Variants in CDNF observed in about 807,000 individuals in gnomAD.
CDNF encodes the protein ARMET-like protein 1.
A neutral mutation model predicts 14.8 loss-of-function variants in CDNF; 9 were observed. The ratio of observed to expected loss-of-function variants is 0.61; its 90% CI spans 0.37 to 1.06. The LOEUF is 1.06. CDNF is among the 50% of genes least tolerant of loss of function. The pLI is 0.01. For synonymous variants in CDNF, 86 were observed against 87.2 expected (o/e 0.99, Z 0.07); for missense variants, 228 against 228.4 (o/e 1.00, Z 0.01).
intron 1 of CDNF, among the ~76,000 whole-genome samples, chr10:14,837,451 A>C (rs1833902077): frequency 6.6e-6 from 1 of 152,190 alleles, no homozygotes; most frequent in Non-Finnish European, 1.5e-5. Context: ...TTGGGGAGTC[A>C]CCAACTAGCT....
At chr10:14,835,796 A>C (rs1028006907) in intron 1 of CDNF, among the ~76,000 whole-genome samples, 1 of 152,186 alleles carries the variant, frequency 6.6e-6, no homozygotes, top group African/African-American at 2.4e-5. Flanking sequence ...TTGAATATCT[A>C]CAGGGGCCAG....
At chr10:14,823,227 T>C (rs2131621817) in intron 3 of CDNF, among the ~76,000 whole-genome samples, 1 of 152,280 alleles carries the variant, frequency 6.6e-6, no homozygotes, top group Non-Finnish European at 1.5e-5. Context: ...TTCTTTGAGT[T>C]TTTCTAGAGA....
chr10:14,836,033 C>T (rs1833882809), intron 1 of CDNF, among the ~76,000 whole-genome samples: 1 of 152,170 alleles, frequency 6.6e-6, no homozygotes, highest in Admixed American at 6.5e-5. Context: ...TAATTTTTTT[C>T]AAAATATTTT....
chr10:14,825,103 G>A (rs1833768394), intron 3 of CDNF, among the ~76,000 whole-genome samples: 1 of 151,918 alleles, frequency 6.6e-6, no homozygotes, highest in Non-Finnish European at 1.5e-5. Context: ...ATAGCTGCCC[G>A]CCACCACACC....
In CDNF at chr10:14,830,108, G is replaced by T. The variant is rs182055278; in HGVS notation, c.116-1836C>A. ...AAGGATTTGTATTTGTATTTCTCAGGGACTAAGGGCAACTAGCCAGGCACT... is the reference window on the plus strand; with the variant it reads ...AAGGATTTGTATTTGTATTTCTCAGTGACTAAGGGCAACTAGCCAGGCACT... On this transcript the variant is annotated intron_variant, in intron 1 of 3. Coordinates refer to ENST00000465530, the MANE Select transcript of CDNF (RefSeq NM_001029954.3). 7.2e-5 allele frequency among the ~76,000 whole-genome samples: 11 copies of T among 152,242 alleles called. No homozygotes were observed. The East Asian group carries it at 2.1e-3, about 29-fold the overall frequency.
chr10:14,824,112 T>C (rs1489643173), intron 3 of CDNF, among the ~76,000 whole-genome samples: 1 of 152,208 alleles, frequency 6.6e-6, no homozygotes, highest in African/African-American at 2.4e-5. Context: ...AGTACTACAC[T>C]GGGTATGTAA....
At chr10:14,821,359 G>A (rs2131620966) in intron 3 of CDNF, among the ~76,000 whole-genome samples, 1 of 152,268 alleles carries the variant, frequency 6.6e-6, no homozygotes, top group Admixed American at 6.5e-5. Flanking sequence ...TCTCACCTCA[G>A]CTGATCCGCC....
intron 2 of CDNF, among the ~76,000 whole-genome samples, chr10:14,825,957 AAAG>A (rs1290961456): frequency 6.6e-5 from 10 of 151,498 alleles, no homozygotes; most frequent in South Asian, 2.1e-4. Context: ...TCTCAAAAAA[AAAG>A]AAGAAGAAGA....
chr10:14,837,905 G>A lies in CDNF; in HGVS notation c.42C>T (p.Ala14=), dbSNP rs543266527. The A allele has an allele frequency of 3.7e-6, 6 of 1,607,178 alleles. 1 individual carries two copies. The highest frequency in any genetic ancestry group is 2.2e-5 in the East Asian group (1 of 44,774). Residue 14 remains alanine (A), a synonymous_variant, in exon 1 of 4, where the codon GCC becomes GCT. Transcript: ENST00000465530. The part of the protein sequence containing the change: ...ASPVAVVAFC[A]GLLVSHPVLT... ...GCACCGGGTGAGAGACCAAAAGCCC[G>A]GCGCAAAAGGCCACCACAGCAACTG...
chr10:14,835,808 CA>C (rs1833881287), intron 1 of CDNF, among the ~76,000 whole-genome samples: 1 of 152,012 alleles, frequency 6.6e-6, no homozygotes, highest in African/African-American at 2.4e-5. Flanking sequence ...AGGGGCCAGG[CA>C]AGGAAAAAGA....
rs762257143 is a variant in CDNF, at chr10:14,837,994, A to C, written c.-48T>G. 8 of 1,410,074 alleles carry C rather than the reference A, an allele frequency of 5.7e-6. No homozygotes were observed. Among genetic ancestry groups the C allele is most frequent in the South Asian group, 1.2e-5 (1 of 81,806 alleles). 87.3% of individuals were successfully genotyped at this position (1,410,074 alleles called of 1,614,324 possible). On this transcript the variant is annotated 5_prime_UTR_variant, in exon 1 of 4. Transcript: ENST00000465530. ...CCTCCGCCACCCGCGCCCACCGCCCACCAAGCTGCCAAAGCGAGCTGAGCA... is the reference window on the plus strand; with the variant it reads ...CCTCCGCCACCCGCGCCCACCGCCCCCCAAGCTGCCAAAGCGAGCTGAGCA...
At chr10:14,837,787 G>T in intron 1 of CDNF, 45 bp downstream of exon 1, 1 of 1,241,242 alleles carries the variant, frequency 8.1e-7, no homozygotes, top group Non-Finnish European at 1.1e-6. Flanking sequence ...CTGCTGCGCC[G>T]CAGCGCGGGG....
chr10:14,831,388 AT>A (rs1833842009), intron 1 of CDNF, among the ~76,000 whole-genome samples: 2 of 148,576 alleles, frequency 1.3e-5, no homozygotes, highest in Non-Finnish European at 2.9e-5. Flanking sequence ...ATATTTTCAC[AT>A]TTTTATTTTA....
intron 1 of CDNF, among the ~76,000 whole-genome samples, chr10:14,831,867 C>A (rs148361791): frequency 1.6e-4 from 24 of 152,264 alleles, no homozygotes; most frequent in African/African-American, 5.8e-4. Context: ...AGCCACCGTG[C>A]CTAGCCCATA....
chr10:14,835,373 G>A (rs1833877993), intron 1 of CDNF, among the ~76,000 whole-genome samples: 1 of 152,174 alleles, frequency 6.6e-6, no homozygotes, highest in African/African-American at 2.4e-5. Flanking sequence ...GGACAAGTGG[G>A]CATAGAGACA....
At chr10:14,833,032 G>C (rs1312316494) in intron 1 of CDNF, among the ~76,000 whole-genome samples, 2 of 151,278 alleles carry the variant, frequency 1.3e-5, no homozygotes, top group Non-Finnish European at 1.5e-5. Flanking sequence ...GCTAATTTTT[G>C]TATTTTTAGT....
chr10:14,824,605 CAA>C (rs572648812), intron 3 of CDNF, among the ~76,000 whole-genome samples: 147 of 64,636 alleles, frequency 2.3e-3, no homozygotes, highest in Non-Finnish European at 3.1e-3. Flanking sequence ...GACTTCCCCT[CAA>C]AAAAAAAAAA....
In CDNF at chr10:14,820,083, C is replaced by A. The variant is rs61738953; in HGVS notation, c.461G>T (p.Trp154Leu). 30 of 1,614,012 alleles carry A rather than the reference C, an allele frequency of 1.9e-5. No individual in the cohort carries two copies. The highest frequency in any genetic ancestry group is 2.5e-5 in the Non-Finnish European group (30 of 1,179,994). ...VAELKQILHS[W>L]GEECRACAEK... is the part of the protein sequence containing the mutation. ...TGCACAGGCCCTGCACTCCTCCCCC[C>A]AGCTATGCAGGATCTGCTTCAGCTC... The change falls in exon 4 of 4, where the codon TGG becomes TTG. Residue 154 changes from tryptophan (W) to leucine (L), a missense_variant. Transcript: ENST00000465530.
At chr10:14,826,074 A>AGGAGC (rs1833782217) in intron 2 of CDNF, among the ~76,000 whole-genome samples, 1 of 141,794 alleles carries the variant, frequency 7.1e-6, no homozygotes, top group African/African-American at 2.8e-5. Context: ...GAAGAAGAAG[A>AGGAGC]AGAAGAAGAA....
Sources: gnomAD v4.1 joint callset for allele counts (sites outside exome capture counted in the v4.1 genomes callset) on GRCh38, gnomAD v4.1.1 for gene constraint, MANE v1.5 for transcripts, NCBI Gene and HGNC (gene_info 2026-07-23, HGNC 2026-07-21) for gene names.